Variants in TLK1 observed in about 807,000 individuals in gnomAD.
TLK1 encodes the protein tousled like kinase 1.
A neutral mutation model predicts 105.3 loss-of-function variants in TLK1; 24 were observed. The observed-to-expected ratio is 0.23, with a 90% CI of 0.17 to 0.32. The LOEUF (loss-of-function observed/expected upper bound fraction) is 0.32, where lower values mean the gene tolerates loss of function less well. TLK1 is among the 10% of genes least tolerant of loss of function. The probability of loss-of-function intolerance (pLI) is 1.00; values close to 1 mark genes in which losing one functional copy is unlikely to be tolerated. For synonymous variants in TLK1, 321 were observed against 310.4 expected (o/e 1.03, Z -0.36); for missense variants, 558 against 910.5 (o/e 0.61, Z 4.98).
intron 1 of TLK1, among the ~76,000 whole-genome samples, chr2:171,221,249 A>G (rs1197756850): frequency 6.6e-6 from 1 of 152,190 alleles, no homozygotes; most frequent in Non-Finnish European, 1.5e-5. Context: ...TCTTCTGGTA[A>G]CGGTGGCCCA....
At chr2:171,138,331 T>C (rs1691426934) in intron 1 of TLK1, among the ~76,000 whole-genome samples, 1 of 152,194 alleles carries the variant, frequency 6.6e-6, no homozygotes. Context: ...TATTTTGGCT[T>C]TATAATAGCA....
chr2:171,055,108 T>C lies in TLK1; in HGVS notation c.614A>G (p.Lys205Arg). ...AFGDHPIVQP[K>R]QLSFKIIQTD... Reference sequence around the variant, plus strand: ...CTGAATAATTTTAAAGGATAATTGCTTTGGTTGTACAATAGGGTGGTCCCC... The same window carrying C: ...CTGAATAATTTTAAAGGATAATTGCCTTGGTTGTACAATAGGGTGGTCCCC... The change falls in exon 7 of 21, where the codon AAG becomes AGG. Residue 205 changes from lysine to arginine, a missense_variant. Physicochemically the swap from Lys to Arg is conservative, Grantham distance 26. This residue lies in a region of TLK1 where 196 missense variants were observed against 239.3 expected (regional missense o/e 0.82). Coordinates refer to ENST00000431350, the MANE Select transcript of TLK1 (RefSeq NM_012290.5). 1 of 1,501,350 alleles carries C rather than the reference T, an allele frequency of 6.7e-7. No individual in the cohort carries two copies. Among genetic ancestry groups the C allele is most frequent in the Non-Finnish European group, 8.8e-7 (1 of 1,130,654 alleles). 93.0% of individuals were successfully genotyped at this position (1,501,350 alleles called of 1,614,324 possible).
intron 1 of TLK1, among the ~76,000 whole-genome samples, chr2:171,118,163 C>T (rs1226261671): frequency 1.3e-5 from 2 of 152,158 alleles, no homozygotes; most frequent in African/African-American, 4.8e-5. Context: ...TACTGCAATG[C>T]AGTAGTAAGA....
chr2:171,077,148 G>A (rs1354863549), intron 3 of TLK1, among the ~76,000 whole-genome samples: 1 of 152,022 alleles, frequency 6.6e-6, no homozygotes, highest in African/African-American at 2.4e-5. Context: ...ACCCACTCAC[G>A]CTTCTTTCCT....
intron 1 of TLK1, among the ~76,000 whole-genome samples, chr2:171,211,562 T>G (rs1392304059): frequency 2.0e-5 from 3 of 152,204 alleles, no homozygotes; most frequent in Non-Finnish European, 4.4e-5. Context: ...ATGCTTTTTT[T>G]TTTTGAGATT....
At chr2:171,190,161 T>C (rs1326319876) in intron 1 of TLK1, among the ~76,000 whole-genome samples, 1 of 152,234 alleles carries the variant, frequency 6.6e-6, no homozygotes, top group East Asian at 1.9e-4. Flanking sequence ...TGAGTGTTGC[T>C]GGAGTGGCAA....
chr2:171,011,520 G>T, intron 13 of TLK1, 66 bp from the exon 14 acceptor site: 2 of 1,332,358 alleles, frequency 1.5e-6, no homozygotes, highest in Admixed American at 2.0e-5. Flanking sequence ...CTACACTGAA[G>T]TTCTACTCTC....
At chr2:171,141,300 C>T (rs1481416833) in intron 1 of TLK1, among the ~76,000 whole-genome samples, 3 of 152,100 alleles carry the variant, frequency 2.0e-5, no homozygotes, top group African/African-American at 7.2e-5. Context: ...TCTCCATCTG[C>T]CAATAGAGTA....
intron 1 of TLK1, among the ~76,000 whole-genome samples, chr2:171,199,724 G>A (rs1484369025): frequency 6.6e-6 from 1 of 152,054 alleles, no homozygotes; most frequent in Non-Finnish European, 1.5e-5. Flanking sequence ...ATGGAGGAGG[G>A]TCATATTACA....
Position 171,160,674 on chromosome 2 carries a change from CAGAGG to C in TLK1, c.-251_-247del. On this transcript the variant is annotated 5_prime_UTR_variant, in exon 1 of 21. Transcript: ENST00000431350. This position sits in a 1 kb window ranked among gnomAD's most constrained non-coding sequence, Gnocchi z 4.4. ...GAAGCGAGGGAGCGAGCGGGCGCGC[CAGAGG>C]AGAGGAGGAGGAAAGGAGCGCGGCG... The C allele has an allele frequency of 1.7e-6, 1 of 576,330 alleles. No individual in the cohort carries two copies. The highest frequency in any genetic ancestry group is 4.3e-5 in the Admixed American group (1 of 23,224). 35.7% of individuals were successfully genotyped at this position (576,330 alleles called of 1,614,324 possible). A position where few individuals can be genotyped will look rare whatever the true frequency, so the allele number is the denominator to read the frequency against.
intron 1 of TLK1, among the ~76,000 whole-genome samples, chr2:171,217,542 C>A (rs1449002979): frequency 2.0e-5 from 3 of 152,156 alleles, no homozygotes; most frequent in Non-Finnish European, 1.5e-5. Flanking sequence ...GAAAAGCAGA[C>A]AGCAGGAGGG....
intron 1 of TLK1, among the ~76,000 whole-genome samples, chr2:171,143,237 T>C (rs925760990): frequency 1.3e-5 from 2 of 151,924 alleles, no homozygotes; most frequent in African/African-American, 4.8e-5. Context: ...ATTTTCCTTA[T>C]CTCAGTTTCA....
intron 1 of TLK1, among the ~76,000 whole-genome samples, chr2:171,145,835 C>T (rs1170606046): frequency 3.9e-5 from 6 of 151,948 alleles, no homozygotes; most frequent in East Asian, 1.9e-4. Flanking sequence ...ATATATAATG[C>T]GTGGATCCAT....
intron 1 of TLK1, among the ~76,000 whole-genome samples, chr2:171,212,169 C>G (rs951876354): frequency 1.3e-5 from 2 of 152,100 alleles, no homozygotes; most frequent in Non-Finnish European, 2.9e-5. Flanking sequence ...GTCTAACAAG[C>G]CTTTCCGGAC....
chr2:171,112,241 C>A (rs144095859), intron 2 of TLK1, among the ~76,000 whole-genome samples: 1 of 152,154 alleles, frequency 6.6e-6, no homozygotes, highest in African/African-American at 2.4e-5. Context: ...TGAGCCACCA[C>A]GCCTGGCCTG....
chr2:171,203,779 G>C (rs910721755), intron 1 of TLK1, among the ~76,000 whole-genome samples: 3 of 152,218 alleles, frequency 2.0e-5, no homozygotes, highest in African/African-American at 7.2e-5. Flanking sequence ...GCCGTGTGCA[G>C]TGGCTCATGA....
intron 4 of TLK1, chr2:171,060,036 C>T (rs745404073): frequency 6.2e-7 from 1 of 1,606,950 alleles, no homozygotes; most frequent in Non-Finnish European, 8.5e-7. Flanking sequence ...GTCAAGTTTA[C>T]TCCAAAGGAA....
chr2:171,167,495 AT>A (rs1004875361), intron 1 of TLK1, among the ~76,000 whole-genome samples: 8 of 152,346 alleles, frequency 5.3e-5, no homozygotes, highest in African/African-American at 1.9e-4. Flanking sequence ...TTCTCATTTC[AT>A]TAAGTTGGTT....
At chr2:170,994,348 T>C (rs1683944481) in intron 20 of TLK1, among the ~76,000 whole-genome samples, 1 of 152,192 alleles carries the variant, frequency 6.6e-6, no homozygotes, top group Non-Finnish European at 1.5e-5. Flanking sequence ...TTATTTTTTT[T>C]TCCTACTGAC....
Sources: gnomAD v4.1 joint callset for allele counts (sites outside exome capture counted in the v4.1 genomes callset) on GRCh38, gnomAD v4.1.1 for gene constraint, gnomAD v4.1.1 regional missense constraint, Gnocchi (gnomAD v3.1) non-coding constraint, MANE v1.5 for transcripts, NCBI Gene and HGNC (gene_info 2026-07-23, HGNC 2026-07-21) for gene names.